The following PTPN11 variants were observed in gnomAD, a reference collection of about 807,000 sequenced individuals.
The protein encoded by PTPN11 is protein tyrosine phosphatase non-receptor type 11.
Under a neutral mutation model 78.8 loss-of-function variants are expected in PTPN11, and 6 were observed. The observed-to-expected ratio is 0.08, with a 90% CI of 0.04 to 0.15. PTPN11 has a LOEUF of 0.15. Ranked by LOEUF, PTPN11 falls within the 10% of genes least tolerant of loss-of-function variation. The pLI, the probability that PTPN11 is intolerant of heterozygous loss-of-function variation, is 1.00. For missense variants in PTPN11, 386 were observed against 744.8 expected, an observed-to-expected ratio of 0.52 and a Z score of 5.61; for synonymous variants, 221 against 263.5, an observed-to-expected ratio of 0.84 and a Z score of 1.56.
At chr12:112,444,757 G>A (rs2037964435) in intron 1 of PTPN11, among the ~76,000 whole-genome samples, 1 of 152,088 alleles carries the variant, frequency 6.6e-6, no homozygotes, top group African/African-American at 2.4e-5. Flanking sequence ...TTATTTTGAG[G>A]TACAAATTGT....
intron 1 of PTPN11, among the ~76,000 whole-genome samples, chr12:112,431,758 G>A (rs962426951): frequency 4.6e-5 from 7 of 152,124 alleles, no homozygotes; most frequent in African/African-American, 1.4e-4. Context: ...CTCCAAGGGC[G>A]TTCTGTGCTA....
chr12:112,428,537 C>T (rs1239858670), intron 1 of PTPN11, among the ~76,000 whole-genome samples: 1 of 150,782 alleles, frequency 6.6e-6, no homozygotes, highest in Non-Finnish European at 1.5e-5. Context: ...CGAATGAACT[C>T]TAACTGCTCC....
intron 6 of PTPN11, chr12:112,457,351 C>T (rs1030777103): frequency 3.7e-6 from 1 of 272,148 alleles, no homozygotes; most frequent in Admixed American, 5.1e-5. Flanking sequence ...TGAACTCATT[C>T]TTTTTTTATG....
chr12:112,480,978 A>G (rs2038586157), intron 9 of PTPN11, among the ~76,000 whole-genome samples: 1 of 152,214 alleles, frequency 6.6e-6, no homozygotes, highest in Non-Finnish European at 1.5e-5. Flanking sequence ...GGCAGCAAGA[A>G]TGATTTTCTT....
intron 2 of PTPN11, among the ~76,000 whole-genome samples, chr12:112,450,018 G>A (rs2038055983): frequency 6.6e-6 from 1 of 151,078 alleles, no homozygotes; most frequent in Admixed American, 6.6e-5. Context: ...AATCCACCGC[G>A]AAGGTTGCGG....
intron 1 of PTPN11, among the ~76,000 whole-genome samples, chr12:112,445,639 C>CTT (rs531888743): frequency 1.1e-4 from 15 of 138,944 alleles, no homozygotes; most frequent in Admixed American, 1.5e-4. Context: ...GAAACTTATT[C>CTT]TTTTTTTTTT....
chr12:112,423,407 T>C (rs1204273817), intron 1 of PTPN11, among the ~76,000 whole-genome samples: 3 of 152,114 alleles, frequency 2.0e-5, no homozygotes, highest in Non-Finnish European at 4.4e-5. Context: ...TGCCTCAGTC[T>C]CCTGAGTAGC....
At chr12:112,434,225 A>G (rs1418811938) in intron 1 of PTPN11, among the ~76,000 whole-genome samples, 1 of 152,080 alleles carries the variant, frequency 6.6e-6, no homozygotes, top group African/African-American at 2.4e-5. Flanking sequence ...GGCTGCAGTG[A>G]GCCATGATCA....
At chr12:112,444,666 A>G (rs1429166578) in intron 1 of PTPN11, among the ~76,000 whole-genome samples, 2 of 152,084 alleles carry the variant, frequency 1.3e-5, no homozygotes, top group African/African-American at 4.8e-5. Context: ...TAAACAAACA[A>G]TTAGTTAAAA....
intron 10 of PTPN11, among the ~76,000 whole-genome samples, chr12:112,486,271 T>G (rs1332196025): frequency 6.6e-6 from 1 of 152,174 alleles, no homozygotes; most frequent in Non-Finnish European, 1.5e-5. Flanking sequence ...CCAGACGTCT[T>G]GGTTCTTATG....
intron 1 of PTPN11, among the ~76,000 whole-genome samples, chr12:112,439,185 G>A (rs2037842521): frequency 1.3e-5 from 2 of 152,194 alleles, no homozygotes; most frequent in African/African-American, 4.8e-5. Context: ...TCTGGCACCA[G>A]AGTCTATGTG....
At chr12:112,494,104 A>G (rs2038786646) in intron 13 of PTPN11, among the ~76,000 whole-genome samples, 1 of 152,180 alleles carries the variant, frequency 6.6e-6, no homozygotes, top group Non-Finnish European at 1.5e-5. Flanking sequence ...AATATAAAAA[A>G]TTAGCTGGAT....
At chr12:112,486,285 G>A (rs1001248028) in intron 10 of PTPN11, among the ~76,000 whole-genome samples, 190 bp from the exon 11 acceptor site, 1 of 152,176 alleles carries the variant, frequency 6.6e-6, no homozygotes, top group African/African-American at 2.4e-5. Context: ...TCTTATGACA[G>A]AGGCAAAGAG....
chr12:112,468,171 T>G (rs2038358920), intron 6 of PTPN11, among the ~76,000 whole-genome samples: 2 of 152,170 alleles, frequency 1.3e-5, no homozygotes, highest in South Asian at 4.1e-4. Context: ...GCCCCAAGCC[T>G]CCTCATTAGC....
At chr12:112,473,407 G>T (rs1243817149) in intron 7 of PTPN11, among the ~76,000 whole-genome samples, 1 of 152,094 alleles carries the variant, frequency 6.6e-6, no homozygotes, top group South Asian at 2.1e-4. Flanking sequence ...TGTGAGTCCT[G>T]GGTAAGGCCT....
In PTPN11 at chr12:112,419,045, T is replaced by C. The variant is rs1280682918; in HGVS notation, c.-67T>C. 1.3e-6 allele frequency: 2 copies of C among 1,532,334 alleles called. No homozygotes were observed. Among genetic ancestry groups the C allele is most frequent in the East Asian group, 5.0e-5 (2 of 40,174 alleles). The allele number at this position is 1,532,334 out of a possible 1,614,324, so 94.9% of individuals were successfully genotyped here. A position where few individuals can be genotyped will look rare whatever the true frequency, so the allele number is the denominator to read the frequency against. ...GCGGGCCTCCCTCGGGCCAGCCCGA[T>C]GTGACCGAGCCCAGCGGAGCCTGAG... On this transcript the variant is annotated 5_prime_UTR_variant, in exon 1 of 16. The change abolishes an upstream ATG in the 5' untranslated region. Coordinates refer to ENST00000351677, the MANE Select transcript of PTPN11 (RefSeq NM_002834.5).
chr12:112,502,259 A>G lies in PTPN11; in HGVS notation c.1712+3A>G. 1.9e-6 allele frequency: 3 copies of G among 1,608,636 alleles called. No homozygotes were observed. The highest frequency in any genetic ancestry group is 2.6e-6 in the Non-Finnish European group (3 of 1,175,040). ...ACTCCAACGCCACCCTGTGCAGAGT[A>G]AGTAGTGCTGAAGGAAATTCTTTTT... is the stretch of plus-strand genomic sequence containing the variant. On this transcript the variant is annotated splice_donor_region_variant and intron_variant, in intron 14 of 15. Transcript: ENST00000351677.
chr12:112,470,544 A>G (rs2038399200), intron 6 of PTPN11, among the ~76,000 whole-genome samples: 1 of 152,148 alleles, frequency 6.6e-6, no homozygotes, highest in Non-Finnish European at 1.5e-5. Flanking sequence ...AACAGCTTGG[A>G]CTTGATCTTG....
At position 112,472,544 on chromosome 12, in the gene PTPN11, T is replaced by G. The variant is rs1186515050; in HGVS notation, c.757-400T>G. On this transcript the variant is annotated intron_variant, in intron 6 of 15. Coordinates refer to ENST00000351677, the MANE Select transcript of PTPN11 (RefSeq NM_002834.5). ...GCATTCAGATGAACCTTCTTTTTTT[T>G]TTTTTTTGAGACGGAGTCTCGCTCT... Among the ~76,000 whole-genome samples the G allele has an allele frequency of 2.6e-5, 4 of 152,168 alleles. No individual in the cohort carries two copies. The East Asian group carries it at 7.7e-4, about 29-fold the overall frequency.
Sources: allele counts gnomAD v4.1 joint callset (sites outside exome capture counted in the v4.1 genomes callset), GRCh38; gene constraint gnomAD v4.1.1; transcripts MANE v1.5; gene names NCBI Gene and HGNC (gene_info 2026-07-23, HGNC 2026-07-21).